Variants in RADIL observed in about 807,000 individuals in gnomAD.
RADIL encodes the protein ras-associating and dilute domain-containing protein.
In RADIL, 99 loss-of-function variants were observed where a neutral mutation model predicts 97.6. The observed-to-expected ratio is 1.01, with a 90% CI of 0.86 to 1.20. The LOEUF is 1.20. Ranked by LOEUF, RADIL falls within the 50% of genes most tolerant of loss-of-function variation. The pLI, the probability that RADIL is intolerant of heterozygous loss-of-function variation, is 0.00. For missense variants in RADIL, 1,765 were observed against 1,498.9 expected (o/e 1.18, Z -2.93); for synonymous variants, 803 against 691.8 (o/e 1.16, Z -2.52).
intron 2 of RADIL, among the ~76,000 whole-genome samples, chr7:4,843,898 C>A (rs577635509): frequency 9.6e-5 from 11 of 115,178 alleles, no homozygotes; most frequent in Non-Finnish European, 4.9e-5. Flanking sequence ...GGTGACAGAG[C>A]GAGACTCCAT....
intron 2 of RADIL, among the ~76,000 whole-genome samples, chr7:4,875,008 C>T (rs969580058): frequency 3.1e-4 from 47 of 151,716 alleles, no homozygotes; most frequent in African/African-American, 7.3e-4. Flanking sequence ...CTGGCTAACA[C>T]GGTGAAACCC....
At position 4,813,247 on chromosome 7, in the gene RADIL, G is replaced by C. The variant is rs987933424; in HGVS notation, c.2139+2031C>G. Among the ~76,000 whole-genome samples, 1 of 152,050 alleles carries C rather than the reference G, an allele frequency of 6.6e-6. No homozygotes were observed. Among genetic ancestry groups the C allele is most frequent in the Admixed American group, 6.6e-5 (1 of 15,250 alleles). ...TCCTACCTCAACCTCCCAAGTAGCTGGCACTACAGGCGTTTGCCCCATGCC... is the reference window on the plus strand; with the variant it reads ...TCCTACCTCAACCTCCCAAGTAGCTCGCACTACAGGCGTTTGCCCCATGCC... On this transcript the variant is annotated intron_variant, in intron 9 of 14. Transcript: ENST00000399583. The surrounding 1 kb of genome is among the most constrained non-coding windows in gnomAD (Gnocchi z 5.0).
rs951361695 is a variant in RADIL at position 4,837,598 on chromosome 7, A to C, written c.536-993T>G. 6.6e-6 allele frequency among the ~76,000 whole-genome samples: 1 copy of C among 151,602 alleles called. No individual in the cohort carries two copies. Among genetic ancestry groups the C allele is most frequent in the Non-Finnish European group, 1.5e-5 (1 of 67,886 alleles). On this transcript the variant is annotated intron_variant, in intron 2 of 14. Coordinates refer to ENST00000399583, the MANE Select transcript of RADIL (RefSeq NM_018059.5). This position sits in a 1 kb window ranked among gnomAD's most constrained non-coding sequence, Gnocchi z 5.6. The stretch of plus-strand genomic sequence containing the variant: ...ACAAATACACATGCACCCACACAAA[A>C]ATGCACACACACATGCACACACATG...
chr7:4,821,862 AG>A lies in RADIL; in HGVS notation c.1615+531del, dbSNP rs1474613874. Among the ~76,000 whole-genome samples, 1 of 152,184 alleles carries A rather than the reference AG, an allele frequency of 6.6e-6. No individual in the cohort carries two copies. Among genetic ancestry groups the A allele is most frequent in the African/African-American group, 2.4e-5 (1 of 41,442 alleles). On this transcript the variant is annotated intron_variant, in intron 6 of 14. Transcript: ENST00000399583. The surrounding 1 kb of genome is among the most constrained non-coding windows in gnomAD (Gnocchi z 5.2). Reference sequence around the variant, plus strand: ...CAGAGCGAGACTCCGTCTCAAAAAAAGAAAAAGAAATCCCGAAATGTGTATT... The same window carrying A: ...CAGAGCGAGACTCCGTCTCAAAAAAAAAAAAGAAATCCCGAAATGTGTATT...
At chr7:4,808,400 A>G (rs1042263255) in intron 9 of RADIL, among the ~76,000 whole-genome samples, 2 of 152,108 alleles carry the variant, frequency 1.3e-5, no homozygotes, top group African/African-American at 4.8e-5. Context: ...TTATGAAGCT[A>G]TAAGTGACTC....
At chr7:4,810,727 T>G (rs1187781713) in intron 9 of RADIL, among the ~76,000 whole-genome samples, 1 of 152,220 alleles carries the variant, frequency 6.6e-6, no homozygotes, top group Non-Finnish European at 1.5e-5. Flanking sequence ...CTTTCCAAAG[T>G]GGCGAGCCTC....
At chr7:4,838,592 C>A (rs2115006587) in intron 2 of RADIL, among the ~76,000 whole-genome samples, 1 of 152,322 alleles carries the variant, frequency 6.6e-6, no homozygotes, top group Admixed American at 6.5e-5. Context: ...CAGGGCTGGG[C>A]TCTCTGCAGG....
At chr7:4,864,219 C>A (rs979023844) in intron 2 of RADIL, among the ~76,000 whole-genome samples, 3 of 152,170 alleles carry the variant, frequency 2.0e-5, no homozygotes, top group Non-Finnish European at 4.4e-5. Flanking sequence ...CTTCTTTGAC[C>A]TATGGTAGCT....
rs1297043415 is a variant in RADIL, at chr7:4,801,706, A to G, written c.2789T>C (p.Leu930Pro). 1 of 1,609,880 alleles carries G rather than the reference A, an allele frequency of 6.2e-7. No homozygotes were observed. ...PESGGPCGKA[L>P]PERQRNGLSG... is the part of the protein sequence containing the mutation. ...GAGTCCGTTCCTCTGCCTCTCTGGG[A>G]GCGCTTTTCCACAGGGGCCGCCGGA... Residue 930 changes from leucine to proline, a missense_variant, in exon 12 of 15, where the codon CTC (leucine) becomes CCC (proline). By Grantham distance (98) the Leu-to-Pro change is moderately conservative. Transcript: ENST00000399583.
At chr7:4,860,037 C>G in intron 2 of RADIL, 1 of 1,613,992 alleles carries the variant, frequency 6.2e-7, no homozygotes. Flanking sequence ...GGAATACTTT[C>G]GTTTAATGCA....
At position 4,824,815 on chromosome 7, in the gene RADIL, C is replaced by T. The variant is rs1038614176; in HGVS notation, c.1455-2261G>A. On this transcript the variant is annotated intron_variant, in intron 5 of 14. Transcript: ENST00000399583. The surrounding 1 kb of genome is among the most constrained non-coding windows in gnomAD (Gnocchi z 6.7). ...CTTTTTATACAGTTAAAGAAGGATTCGCTGGGCTCTTCGGAGACTAATTCC... is the reference window on the plus strand; with the variant it reads ...CTTTTTATACAGTTAAAGAAGGATTTGCTGGGCTCTTCGGAGACTAATTCC... 6.6e-6 allele frequency among the ~76,000 whole-genome samples: 1 copy of T among 152,214 alleles called. No individual in the cohort carries two copies. Among genetic ancestry groups the T allele is most frequent in the Non-Finnish European group, 1.5e-5 (1 of 68,032 alleles).
intron 2 of RADIL, among the ~76,000 whole-genome samples, chr7:4,846,545 C>CTTT (rs367898251): frequency 8.0e-6 from 1 of 125,420 alleles, no homozygotes; most frequent in Non-Finnish European, 1.7e-5. Flanking sequence ...CTGCATCTGT[C>CTTT]TTTTTTTTTT....
intron 11 of RADIL, among the ~76,000 whole-genome samples, chr7:4,802,575 G>A (rs1782136858): frequency 7.7e-6 from 1 of 130,280 alleles, no homozygotes; most frequent in African/African-American, 3.0e-5. Flanking sequence ...GGGCACCTCG[G>A]GGCACTCTAG....
At chr7:4,827,633 C>G (rs916344175) in intron 5 of RADIL, among the ~76,000 whole-genome samples, 4 of 152,138 alleles carry the variant, frequency 2.6e-5, no homozygotes, top group Non-Finnish European at 4.4e-5. Flanking sequence ...TGTACTCCAG[C>G]CTGGGGGACA....
At chr7:4,859,839 G>C (rs200374756) in intron 2 of RADIL, 1 of 1,095,240 alleles carries the variant, frequency 9.1e-7, no homozygotes, top group East Asian at 2.4e-5. Flanking sequence ...CTCCTCTTCC[G>C]TTTTGGTTTT....
intron 2 of RADIL, among the ~76,000 whole-genome samples, chr7:4,839,831 C>T (rs892060509): frequency 4.6e-5 from 7 of 152,124 alleles, no homozygotes; most frequent in African/African-American, 1.7e-4. Context: ...ACTAGAACCT[C>T]TGCCTCCTGG....
In RADIL at chr7:4,835,336, G is replaced by C. The variant is rs895267295; in HGVS notation, c.784-97C>G. The C allele has an allele frequency of 8.2e-6, 12 of 1,468,760 alleles. No individual in the cohort carries two copies. Among genetic ancestry groups the C allele is most frequent in the Middle Eastern group, 2.0e-4 (1 of 5,128 alleles). 91.0% of individuals were successfully genotyped at this position (1,468,760 alleles called of 1,614,324 possible). On this transcript the variant is annotated intron_variant, in intron 3 of 14. Coordinates refer to ENST00000399583, the MANE Select transcript of RADIL (RefSeq NM_018059.5). The surrounding 1 kb of genome is among the most constrained non-coding windows in gnomAD (Gnocchi z 5.8). ...ACTGGTTGCTGAAGCAGCGTGGCTGGGATGCTGTCGCCACGGGCTCTCCAT... is the reference window on the plus strand; with the variant it reads ...ACTGGTTGCTGAAGCAGCGTGGCTGCGATGCTGTCGCCACGGGCTCTCCAT...
rs760734200 is a variant in RADIL, at chr7:4,877,575, G to A, written c.535+30C>T. 2.3e-5 allele frequency: 36 copies of A among 1,561,758 alleles called. No individual in the cohort carries two copies. The East Asian group carries it at 3.4e-4, about 15-fold the overall frequency. ...TGGCCTTCTCAGCGCTCAGACCCAC[G>A]GCTCTTCCTGAACCTGTGGCCCCCC... On this transcript the variant is annotated intron_variant, in intron 2 of 14. Coordinates refer to ENST00000399583, the MANE Select transcript of RADIL (RefSeq NM_018059.5).
chr7:4,880,228 C>G lies in RADIL; in HGVS notation c.-64-2025G>C, dbSNP rs1225910314. The stretch of plus-strand genomic sequence containing the variant: ...GCCATAAAGGAGTAAAGGAGCAAAG[C>G]CTTTGTTTCTCTTCCTCTGAGGAAG... On this transcript the variant is annotated intron_variant, in intron 1 of 14. Coordinates refer to ENST00000399583, the MANE Select transcript of RADIL (RefSeq NM_018059.5). The surrounding 1 kb of genome is among the most constrained non-coding windows in gnomAD (Gnocchi z 4.5). Among the ~76,000 whole-genome samples, 1 of 152,166 alleles carries G rather than the reference C, an allele frequency of 6.6e-6. No homozygotes were observed. The highest frequency in any genetic ancestry group is 1.5e-5 in the Non-Finnish European group (1 of 68,030).
Sources: gnomAD v4.1 joint callset for allele counts (sites outside exome capture counted in the v4.1 genomes callset) on GRCh38, gnomAD v4.1.1 for gene constraint, Gnocchi (gnomAD v3.1) non-coding constraint, MANE v1.5 for transcripts, NCBI Gene and HGNC (gene_info 2026-07-23, HGNC 2026-07-21) for gene names.